Variants in THADA observed in about 807,000 individuals in gnomAD.
THADA encodes the protein tRNA (32-2'-O)-methyltransferase regulator THADA.
Under a neutral mutation model 219.8 loss-of-function variants are expected in THADA, and 213 were observed. The ratio of observed to expected loss-of-function variants is 0.97; its 90% CI spans 0.87 to 1.09. The LOEUF is 1.09. Ranked by LOEUF, THADA falls within the 50% of genes least tolerant of loss-of-function variation. The pLI is 0.00. For synonymous variants in THADA, 1,018 were observed against 828.9 expected, an observed-to-expected ratio of 1.23 and a Z score of -3.92; for missense variants, 2,956 against 2,311.3, an observed-to-expected ratio of 1.28 and a Z score of -5.72.
intron 29 of THADA, among the ~76,000 whole-genome samples, chr2:43,381,097 C>CAAAAAAAAAA (rs58711910): frequency 3.5e-4 from 19 of 54,394 alleles, no homozygotes; most frequent in African/African-American, 1.5e-3. Flanking sequence ...GAGACTTTGT[C>CAAAAAAAAAA]AAAAAAAAAA....
chr2:43,241,332 A>G (rs1162458331), intron 36 of THADA, among the ~76,000 whole-genome samples: 2 of 151,756 alleles, frequency 1.3e-5, no homozygotes, highest in African/African-American at 4.8e-5. Flanking sequence ...CAAGTGATCC[A>G]CACACCTAGG....
intron 30 of THADA, among the ~76,000 whole-genome samples, chr2:43,338,153 AC>A (rs1666684582): frequency 7.3e-6 from 1 of 137,836 alleles, no homozygotes; most frequent in African/African-American, 2.7e-5. Flanking sequence ...AATCACCAGA[AC>A]TTTTTTTTTT....
intron 20 of THADA, among the ~76,000 whole-genome samples, chr2:43,542,457 C>A (rs568330350): frequency 3.9e-5 from 6 of 152,188 alleles, no homozygotes; most frequent in South Asian, 2.1e-4. Flanking sequence ...TTTTGCAAGA[C>A]AATATCCCCA....
At chr2:43,285,360 T>C (rs555477989) in intron 35 of THADA, among the ~76,000 whole-genome samples, 1 of 152,274 alleles carries the variant, frequency 6.6e-6, no homozygotes, top group East Asian at 1.9e-4. Context: ...AGTGAGTTCT[T>C]ATGAGATCTG....
At chr2:43,286,462 T>C (rs1468162375) in intron 35 of THADA, among the ~76,000 whole-genome samples, 1 of 152,098 alleles carries the variant, frequency 6.6e-6, no homozygotes, top group Non-Finnish European at 1.5e-5. Context: ...GTTGGTGGTC[T>C]GGGAGTGGTG....
intron 31 of THADA, among the ~76,000 whole-genome samples, chr2:43,315,920 A>T (rs1678026448): frequency 6.6e-6 from 1 of 152,226 alleles, no homozygotes; most frequent in Admixed American, 6.5e-5. Context: ...TCCTTTGTCT[A>T]CAGGGTCAAA....
At chr2:43,236,905 C>CAA (rs57933660) in intron 36 of THADA, among the ~76,000 whole-genome samples, 5,783 of 115,200 alleles carry the variant, frequency 0.05, 389 homozygotes, top group African/African-American at 0.17. Context: ...ACTAAAAATA[C>CAA]AAAAAAAAAA....
intron 10 of THADA, among the ~76,000 whole-genome samples, chr2:43,576,483 C>G (rs1699867727): frequency 6.6e-6 from 1 of 152,094 alleles, no homozygotes; most frequent in African/African-American, 2.4e-5. Context: ...GATTTCTTAT[C>G]CTATATAGTA....
chr2:43,568,301 A>G (rs1698912511), intron 14 of THADA, among the ~76,000 whole-genome samples: 1 of 152,234 alleles, frequency 6.6e-6, no homozygotes, highest in African/African-American at 2.4e-5. Flanking sequence ...CCACTAGCCT[A>G]GAAGATGTCT....
At chr2:43,374,625 G>A (rs1671169277) in intron 29 of THADA, among the ~76,000 whole-genome samples, 1 of 151,966 alleles carries the variant, frequency 6.6e-6, no homozygotes, top group Admixed American at 6.6e-5. Flanking sequence ...TCTATACGAA[G>A]GAACCTTTAA....
intron 36 of THADA, among the ~76,000 whole-genome samples, chr2:43,247,977 A>G (rs1403454658): frequency 6.6e-6 from 1 of 151,382 alleles, no homozygotes; most frequent in Non-Finnish European, 1.5e-5. Flanking sequence ...TCAGAGTTCA[A>G]GGCTGCAGTA....
At chr2:43,324,837 G>T (rs1402047342) in intron 30 of THADA, among the ~76,000 whole-genome samples, 5 of 152,006 alleles carry the variant, frequency 3.3e-5, no homozygotes, top group African/African-American at 1.2e-4. Context: ...ACCCCCAAAT[G>T]GAAAAATCCT....
At chr2:43,339,334 G>A (rs186018474) in intron 30 of THADA, among the ~76,000 whole-genome samples, 1 of 152,350 alleles carries the variant, frequency 6.6e-6, no homozygotes, top group Admixed American at 6.5e-5. Context: ...GGGTTGGAAT[G>A]CAGTGGCATG....
chr2:43,507,400 T>A (rs1689812981), intron 23 of THADA, among the ~76,000 whole-genome samples: 1 of 152,182 alleles, frequency 6.6e-6, no homozygotes, highest in South Asian at 2.1e-4. Flanking sequence ...TGATCCTGTC[T>A]TAACATTTGA....
chr2:43,412,875 T>G (rs111247846), intron 28 of THADA, among the ~76,000 whole-genome samples: 184 of 152,282 alleles, frequency 1.2e-3, no homozygotes, highest in Middle Eastern at 0.01. Context: ...TCTTCCTAAA[T>G]CCCTACATCT....
chr2:43,433,385 C>T (rs1679630069), intron 26 of THADA, among the ~76,000 whole-genome samples: 1 of 151,830 alleles, frequency 6.6e-6, no homozygotes, highest in Admixed American at 6.6e-5. Context: ...TAAAATTAGC[C>T]GGGTGTGGCG....
intron 26 of THADA, among the ~76,000 whole-genome samples, chr2:43,437,738 A>T (rs1402095703): frequency 6.6e-6 from 1 of 152,150 alleles, no homozygotes; most frequent in East Asian, 1.9e-4. Context: ...CTATTCAAGG[A>T]TGTTTATATA....
intron 29 of THADA, among the ~76,000 whole-genome samples, chr2:43,395,517 AAC>A (rs1308539231): frequency 6.6e-6 from 1 of 152,224 alleles, no homozygotes; most frequent in Non-Finnish European, 1.5e-5. Flanking sequence ...TAATGTATGT[AAC>A]ACAGACTAGA....
At chr2:43,434,153 T>C (rs1679768969) in intron 26 of THADA, among the ~76,000 whole-genome samples, 1 of 152,152 alleles carries the variant, frequency 6.6e-6, no homozygotes, top group African/African-American at 2.4e-5. Flanking sequence ...GCCAATAAAA[T>C]AGCATAGAAA....
Sources: allele counts gnomAD v4.1 joint callset (sites outside exome capture counted in the v4.1 genomes callset), GRCh38; gene constraint gnomAD v4.1.1; transcripts MANE v1.5; gene names NCBI Gene and HGNC (gene_info 2026-07-23, HGNC 2026-07-21).